Variants in SANBR observed in about 807,000 individuals in gnomAD.
The protein encoded by SANBR is SANT and BTB domain regulator of class switch recombination.
A neutral mutation model predicts 101.8 loss-of-function variants in SANBR; 77 were observed. The observed-to-expected ratio is 0.76, with a 90% CI of 0.63 to 0.91. SANBR has a LOEUF of 0.91. SANBR is among the 40% of genes least tolerant of loss of function. The pLI, the probability that SANBR is intolerant of heterozygous loss-of-function variation, is 0.00. For missense variants in SANBR, 875 were observed against 853.0 expected (o/e 1.03, Z -0.32); for synonymous variants, 279 against 274.7 (o/e 1.02, Z -0.15).
chr2:61,115,932 A>G (rs1170826965), intron 16 of SANBR, 47 bp from the exon 17 acceptor site: 8 of 1,204,202 alleles, frequency 6.6e-6, no homozygotes, highest in South Asian at 4.0e-5. Context: ...AGTGGACTGG[A>G]AAAGTATATG....
chr2:61,135,574 C>A (rs1342747615), intron 21 of SANBR, among the ~76,000 whole-genome samples: 5 of 152,106 alleles, frequency 3.3e-5, no homozygotes, highest in Admixed American at 2.6e-4. Context: ...CGTTAAAAGA[C>A]CAACACTGTA....
chr2:61,082,492 G>A (rs567577174), intron 7 of SANBR, among the ~76,000 whole-genome samples: 15 of 152,270 alleles, frequency 9.9e-5, no homozygotes, highest in African/African-American at 3.6e-4. Flanking sequence ...GCCACCCAGG[G>A]AAAAGGAGGC....
At chr2:61,114,571 A>G (rs991387434) in intron 16 of SANBR, among the ~76,000 whole-genome samples, 6 of 152,176 alleles carry the variant, frequency 3.9e-5, no homozygotes, top group African/African-American at 7.2e-5. Flanking sequence ...TTTTCCCACC[A>G]TCCTGACTGA....
At chr2:61,097,055 G>T (rs1683066219) in intron 11 of SANBR, among the ~76,000 whole-genome samples, 2 of 152,190 alleles carry the variant, frequency 1.3e-5, no homozygotes, top group African/African-American at 4.8e-5. Context: ...TCAGGAGGCT[G>T]AGGCAGGAGA....
At chr2:61,106,779 G>C (rs758470614) in intron 14 of SANBR, 117 bp downstream of exon 14, 186 of 602,376 alleles carry the variant, frequency 3.1e-4, no homozygotes, top group Middle Eastern at 7.8e-4. Context: ...ATCATAAGAA[G>C]GTATTATGCC....
In SANBR at chr2:61,115,992, G is replaced by A. The variant is rs1393724525; in HGVS notation, c.1758G>A (p.Lys586=). 2 of 1,610,516 alleles carry A rather than the reference G, an allele frequency of 1.2e-6. No homozygotes were observed. The highest frequency in any genetic ancestry group is 3.4e-5 in the Admixed American group (2 of 59,250). ...EVSKKQRKKE[K]PKKFTRQPKK... is the part of the protein sequence containing the mutation. ...TCTCATTATCAGGGAAAAAGGAGAA[G>A]CCAAAGAAGTTCACTAGACAACCAA... Residue 586 remains lysine, a synonymous_variant, in exon 17 of 22, where the codon AAG becomes AAA. Transcript: ENST00000402291.
At chr2:61,090,909 C>CTTTTTT (rs747161495) in intron 10 of SANBR, among the ~76,000 whole-genome samples, 1 of 139,258 alleles carries the variant, frequency 7.2e-6, no homozygotes. Context: ...TTTAAAATTC[C>CTTTTTT]TTTTTTTTTT....
At chr2:61,115,762 A>G (rs1684047327) in intron 16 of SANBR, 2 of 343,556 alleles carry the variant, frequency 5.8e-6, no homozygotes, top group Non-Finnish European at 1.1e-5. Context: ...AAAAAAAAAG[A>G]AAAAGAAAAT....
At chr2:61,126,892 A>T (rs1039614410), downstream of SANBR, among the ~76,000 whole-genome samples, 5 of 151,340 alleles carry the variant, frequency 3.3e-5, no homozygotes, top group African/African-American at 1.2e-4. Context: ...AGTCATTCCC[A>T]CTTTTCTGTT....
At chr2:61,128,139 G>C (rs1173000270), downstream of SANBR, among the ~76,000 whole-genome samples, 1 of 152,022 alleles carries the variant, frequency 6.6e-6, no homozygotes, top group Non-Finnish European at 1.5e-5. Context: ...GGGCATGGTG[G>C]CATGCACCTG....
At chr2:61,093,332 A>G (rs1004813013) in intron 11 of SANBR, 7 of 152,174 alleles carry the variant, frequency 4.6e-5, no homozygotes, top group African/African-American at 1.7e-4. Flanking sequence ...ACGGTGGCTC[A>G]CGCCTGTAAT....
intron 19 of SANBR, 125 bp downstream of exon 19, chr2:61,117,665 C>A: frequency 1.2e-6 from 1 of 802,720 alleles, no homozygotes; most frequent in Non-Finnish European, 2.0e-6. Flanking sequence ...CCCAAATTTG[C>A]ATATTCCCTT....
Position 61,088,476 on chromosome 2 carries a change from G to A in SANBR, c.1088+8G>A, listed in dbSNP as rs758025471. On this transcript the variant is annotated splice_region_variant and intron_variant, in intron 10 of 21. Transcript: ENST00000402291. ...TGTCTATATTCACATAAGGTGTCGT[G>A]AAGATAAAATACATACATGTATTTT... The A allele has an allele frequency of 2.6e-6, 4 of 1,561,502 alleles. No individual in the cohort carries two copies. The highest frequency in any genetic ancestry group is 3.5e-6 in the Non-Finnish European group (4 of 1,143,882).
chr2:61,105,616 T>C (rs1353089990), intron 13 of SANBR, among the ~76,000 whole-genome samples: 1 of 151,936 alleles, frequency 6.6e-6, no homozygotes, highest in Non-Finnish European at 1.5e-5. Flanking sequence ...ACCACCCGCC[T>C]CTGCCTCCTG....
At chr2:61,092,359 G>C in intron 10 of SANBR, 105 bp from the exon 11 acceptor site, 1 of 838,226 alleles carries the variant, frequency 1.2e-6, no homozygotes, top group Non-Finnish European at 1.7e-6. Context: ...ACTCCAGCCT[G>C]GGCAACAAGA....
At chr2:61,101,738 A>T (rs1331112841) in intron 12 of SANBR, among the ~76,000 whole-genome samples, 3 of 149,678 alleles carry the variant, frequency 2.0e-5, no homozygotes, top group African/African-American at 7.4e-5. Context: ...AAAAAAAAAA[A>T]ATTGTATATA....
rs781721024 is a variant in SANBR at position 61,071,740 on chromosome 2, A to G, written c.285A>G (p.Ile95Met). The change falls in exon 4 of 22, where the codon ATA becomes ATG. Residue 95 changes from isoleucine (I) to methionine (M), a missense_variant. By Grantham distance (10) the Ile-to-Met change is conservative. Coordinates refer to ENST00000402291, the MANE Select transcript of SANBR (RefSeq NM_001129993.3). ...ATYIKSSLLD[I>M]HGEFQETPVG... ...ATATCAAATCCTCACTTCTTGACAT[A>G]CATGGAGAATTTCAGGAGACTCCAG... 6 of 1,604,210 alleles carry G rather than the reference A, an allele frequency of 3.7e-6. No individual in the cohort carries two copies. In the South Asian group the frequency reaches 4.5e-5, roughly 12 times the overall value.
At chr2:61,131,452 T>G (rs2104991193) in intron 20 of SANBR, among the ~76,000 whole-genome samples, 1 of 152,110 alleles carries the variant, frequency 6.6e-6, no homozygotes, top group East Asian at 1.9e-4. Context: ...CATCAAAAAA[T>G]TAAAGGCCTA....
At chr2:61,089,206 T>C in intron 10 of SANBR, 1 of 985,190 alleles carries the variant, frequency 1.0e-6, no homozygotes, top group Non-Finnish European at 1.2e-6. Flanking sequence ...CTTCATACTT[T>C]GTCAGTATTT....
Sources: allele counts gnomAD v4.1 joint callset (sites outside exome capture counted in the v4.1 genomes callset), GRCh38; gene constraint gnomAD v4.1.1; transcripts MANE v1.5; gene names NCBI Gene and HGNC (gene_info 2026-07-23, HGNC 2026-07-21).